Variants in GRIN3A observed in about 807,000 individuals in gnomAD.
The protein encoded by GRIN3A is glutamate receptor ionotropic, NMDA 3A.
In GRIN3A, 47 loss-of-function variants were observed where a neutral mutation model predicts 92.4. The ratio of observed to expected loss-of-function variants is 0.51; its 90% CI spans 0.40 to 0.65. The LOEUF is 0.65. Ranked by LOEUF, GRIN3A falls within the 30% of genes least tolerant of loss-of-function variation. The probability of loss-of-function intolerance (pLI) is 0.00; values close to 1 mark genes in which losing one functional copy is unlikely to be tolerated. For missense variants in GRIN3A, 1,324 were observed against 1,393.1 expected, an observed-to-expected ratio of 0.95 and a Z score of 0.79; for synonymous variants, 527 against 540.6, an observed-to-expected ratio of 0.97 and a Z score of 0.35.
rs552446156 is a variant in GRIN3A, at chr9:101,711,414, A to G, written c.700-24214T>C. Among the ~76,000 whole-genome samples, 18 of 152,294 alleles carry G rather than the reference A, an allele frequency of 1.2e-4. No homozygotes were observed. The South Asian group carries it at 3.1e-3, about 26-fold the overall frequency. ...ATAGCGTCCAATGGAAAACTTATGA[A>G]TTGTTTATTTTCGGTTGACTATGGG... On this transcript the variant is annotated intron_variant, in intron 1 of 8. Transcript: ENST00000361820.
At chr9:101,676,275 C>T (rs1020634626) in intron 2 of GRIN3A, among the ~76,000 whole-genome samples, 2 of 151,700 alleles carry the variant, frequency 1.3e-5, no homozygotes, top group Non-Finnish European at 2.9e-5. Context: ...ATCTACCTCT[C>T]TTTTTTTTCT....
intron 1 of GRIN3A, among the ~76,000 whole-genome samples, chr9:101,700,278 C>T (rs1316394424): frequency 6.6e-6 from 1 of 152,130 alleles, no homozygotes; most frequent in African/African-American, 2.4e-5. Context: ...AGAAGGCTGA[C>T]CTTTGGCTGA....
At chr9:101,574,082 A>G (rs1827796418) in intron 8 of GRIN3A, among the ~76,000 whole-genome samples, 1 of 152,066 alleles carries the variant, frequency 6.6e-6, no homozygotes, top group African/African-American at 2.4e-5. Flanking sequence ...GATGATTTTT[A>G]TGTGAGTTGA....
intron 2 of GRIN3A, among the ~76,000 whole-genome samples, chr9:101,681,059 C>T (rs1001493676): frequency 1.3e-5 from 2 of 152,122 alleles, no homozygotes; most frequent in Non-Finnish European, 2.9e-5. Flanking sequence ...TTATGACCAA[C>T]CCATGGAGCT....
chr9:101,624,545 G>A (rs1292192840), intron 4 of GRIN3A, among the ~76,000 whole-genome samples: 1 of 152,036 alleles, frequency 6.6e-6, no homozygotes, highest in Non-Finnish European at 1.5e-5. Context: ...CCCTACAGAG[G>A]ACATGAACTC....
At chr9:101,694,604 G>A (rs931598706) in intron 1 of GRIN3A, among the ~76,000 whole-genome samples, 2 of 152,130 alleles carry the variant, frequency 1.3e-5, no homozygotes, top group African/African-American at 4.8e-5. Flanking sequence ...AATCTTGAAA[G>A]CATTTGACTC....
rs776804921 is a variant in GRIN3A at position 101,670,416 on chromosome 9, T to A, written c.1996A>T (p.Ile666Phe). 8.1e-6 allele frequency: 13 copies of A among 1,613,876 alleles called. No homozygotes were observed. ...TGGAGTGGCCACATGAAGGCTCCAA[T>A]GGGAGCTGCTGTATCTCGGGTCCTC... The part of the protein sequence containing the change: ...LVRTRDTAAP[I>F]GAFMWPLHWT... Residue 666 changes from isoleucine (I) to phenylalanine (F), a missense_variant, in exon 3 of 9, where the codon ATT becomes TTT. Ile to Phe is a conservative substitution (Grantham distance 21). Transcript: ENST00000361820.
chr9:101,583,805 A>G (rs1827918708), intron 6 of GRIN3A, among the ~76,000 whole-genome samples: 1 of 152,152 alleles, frequency 6.6e-6, no homozygotes, highest in Non-Finnish European at 1.5e-5. Flanking sequence ...TCATAGCCAC[A>G]CACTTCCAGA....
At chr9:101,702,145 T>C (rs1338142099) in intron 1 of GRIN3A, among the ~76,000 whole-genome samples, 1 of 152,022 alleles carries the variant, frequency 6.6e-6, no homozygotes, top group Non-Finnish European at 1.5e-5. Flanking sequence ...CTACTAAAAA[T>C]ACAAAAATTA....
At chr9:101,713,458 A>T (rs1202310734) in intron 1 of GRIN3A, among the ~76,000 whole-genome samples, 1 of 152,198 alleles carries the variant, frequency 6.6e-6, no homozygotes, top group Non-Finnish European at 1.5e-5. Flanking sequence ...GAAGTCTAGG[A>T]TAGAGCCTAG....
intron 1 of GRIN3A, among the ~76,000 whole-genome samples, chr9:101,707,271 T>C (rs1644346001): frequency 6.6e-6 from 1 of 152,234 alleles, no homozygotes; most frequent in African/African-American, 2.4e-5. Flanking sequence ...TCCATGATAA[T>C]GGTGTAATGA....
Position 101,671,055 on chromosome 9 carries a change from CT to C in GRIN3A, c.1356del (p.Gly453ValfsTer63), listed in dbSNP as rs1478335597. ...TTTTCTGAGCTGACGATGGTGGAAC[CT>C]TTTACTCTGATGGAACCACTGAGGC... ...FRGLSGSIRV[K>X]GSTIVSSENN... On this transcript the variant is annotated frameshift_variant, in exon 3 of 9. Coordinates refer to ENST00000361820, the MANE Select transcript of GRIN3A (RefSeq NM_133445.3). LOFTEE classifies it high-confidence loss of function. 1 of 1,613,838 alleles carries C rather than the reference CT, an allele frequency of 6.2e-7. No individual in the cohort carries two copies.
chr9:101,641,385 C>T (rs1828859687), intron 3 of GRIN3A, among the ~76,000 whole-genome samples: 3 of 152,108 alleles, frequency 2.0e-5, no homozygotes, highest in Admixed American at 2.0e-4. Flanking sequence ...TGGAACCAAC[C>T]CAAATGTCCA....
chr9:101,589,492 A>AT (rs1294675420), intron 6 of GRIN3A, among the ~76,000 whole-genome samples: 3 of 152,124 alleles, frequency 2.0e-5, no homozygotes, highest in African/African-American at 7.2e-5. Context: ...CCTGTTTTAA[A>AT]TATTGTAATT....
intron 3 of GRIN3A, among the ~76,000 whole-genome samples, chr9:101,666,913 T>C (rs1017077720): frequency 1.3e-5 from 2 of 152,094 alleles, no homozygotes. Flanking sequence ...ATTTTCTTTC[T>C]CTTGTAATCT....
At chr9:101,710,849 C>T (rs942698402) in intron 1 of GRIN3A, among the ~76,000 whole-genome samples, 8 of 152,284 alleles carry the variant, frequency 5.3e-5, no homozygotes, top group African/African-American at 1.9e-4. Context: ...CTGATTTTGA[C>T]TGTTTAGTTC....
chr9:101,670,280 C>G lies in GRIN3A; in HGVS notation c.2132G>C (p.Ser711Thr), dbSNP rs1313165869. The change falls in exon 3 of 9, where the codon AGT (serine) becomes ACT (threonine). Residue 711 changes from serine (S) to threonine (T), a missense_variant. Transcript: ENST00000361820. ...FGLTPKGRNR[S>T]KVFSFSSALN... ...GGCTGAAGAAAAGGAGAAGACTTTA[C>G]TTCTATTTCGCCCCTTGGGAGTCAA... The G allele has an allele frequency of 6.2e-7, 1 of 1,614,050 alleles. No homozygotes were observed. Among genetic ancestry groups the G allele is most frequent in the Admixed American group, 1.7e-5 (1 of 59,994 alleles).
intron 6 of GRIN3A, among the ~76,000 whole-genome samples, chr9:101,590,675 C>A (rs576514158): frequency 2.0e-5 from 3 of 152,178 alleles, no homozygotes; most frequent in African/African-American, 7.2e-5. Context: ...CCACCGCGCC[C>A]GGCCAACACT....
At chr9:101,578,735 T>G (rs535390628) in intron 7 of GRIN3A, among the ~76,000 whole-genome samples, 36 of 152,282 alleles carry the variant, frequency 2.4e-4, no homozygotes, top group Non-Finnish European at 4.4e-4. Context: ...TGCGGCCTTG[T>G]GAAGCTTGGC....
Sources: gnomAD v4.1 joint callset for allele counts (sites outside exome capture counted in the v4.1 genomes callset) on GRCh38, gnomAD v4.1.1 for gene constraint, MANE v1.5 for transcripts, NCBI Gene and HGNC (gene_info 2026-07-23, HGNC 2026-07-21) for gene names.